MGAM: variants seen among roughly 807,000 people sequenced by gnomAD.
The protein encoded by MGAM is maltase-glucoamylase, also known as alpha-1,4-glucosidase.
A neutral mutation model predicts 358.8 loss-of-function variants in MGAM; 253 were observed. That is an observed-to-expected ratio of 0.71 (90% CI 0.64 to 0.78). The LOEUF is 0.78. Ranked by LOEUF, MGAM falls within the 30% of genes least tolerant of loss-of-function variation. The probability of loss-of-function intolerance (pLI) is 0.00; values close to 1 mark genes in which losing one functional copy is unlikely to be tolerated. For synonymous variants in MGAM, 1,105 were observed against 1,227.1 expected, an observed-to-expected ratio of 0.90 and a Z score of 2.08; for missense variants, 3,080 against 3,432.6, an observed-to-expected ratio of 0.90 and a Z score of 2.57.
At chr7:142,055,921 G>A (rs774948052) in intron 28 of MGAM, 79 bp from the exon 29 acceptor site, 28 of 1,485,150 alleles carry the variant, frequency 1.9e-5, no homozygotes, top group Non-Finnish European at 2.4e-5. Context: ...AGCCATGTTA[G>A]CAAGCACATT....
chr7:142,061,965 T>G (rs550101421), intron 34 of MGAM, among the ~76,000 whole-genome samples: 1 of 152,314 alleles, frequency 6.6e-6, no homozygotes, highest in African/African-American at 2.4e-5. Flanking sequence ...GTAAAAACAC[T>G]GCTTTTATTA....
At chr7:142,010,573 T>G (rs1302730593) in intron 3 of MGAM, among the ~76,000 whole-genome samples, 1 of 152,148 alleles carries the variant, frequency 6.6e-6, no homozygotes, top group African/African-American at 2.4e-5. Flanking sequence ...CATTTCCTCA[T>G]GCTTGGGTTG....
At position 142,083,200 on chromosome 7, in the gene MGAM, T is replaced by C; in HGVS notation, c.6269-101T>C. On this transcript the variant is annotated intron_variant, in intron 52 of 70. Coordinates refer to ENST00000475668, the MANE Select transcript of MGAM (RefSeq NM_001365693.1). ...TAGAAAATACTGGCTCTTACTACTC[T>C]ACGATAGGGAGGGTGCAGGAAATAG... The C allele has an allele frequency of 2.2e-6, 2 of 924,886 alleles. 1 individual carries two copies. The highest frequency in any genetic ancestry group is 3.3e-6 in the Non-Finnish European group (2 of 611,720). 57.3% of individuals were successfully genotyped at this position (924,886 alleles called of 1,614,324 possible). A position where few individuals can be genotyped will look rare whatever the true frequency, so the allele number is the denominator to read the frequency against.
At chr7:142,076,598 C>T in intron 46 of MGAM, 61 bp from the exon 47 acceptor site, 1 of 1,340,830 alleles carries the variant, frequency 7.5e-7, no homozygotes. Context: ...ATATGAGTGA[C>T]TTGAGAATCT....
intron 67 of MGAM, among the ~76,000 whole-genome samples, chr7:142,100,339 TGA>T (rs1222222992): frequency 6.6e-6 from 1 of 152,210 alleles, no homozygotes; most frequent in African/African-American, 2.4e-5. Context: ...ACTAAGTACA[TGA>T]ATGCGGACTA....
intron 2 of MGAM, among the ~76,000 whole-genome samples, chr7:141,987,065 C>T (rs1460866317): frequency 6.6e-6 from 1 of 152,084 alleles, no homozygotes; most frequent in Non-Finnish European, 1.5e-5. Context: ...GAAACACGAG[C>T]CTGTCATAGC....
In MGAM at chr7:142,094,784, A is replaced by G. The variant is rs1815742031; in HGVS notation, c.7379A>G (p.Glu2460Gly). 10 of 1,613,622 alleles carry G rather than the reference A, an allele frequency of 6.2e-6. No homozygotes were observed. The highest frequency in any genetic ancestry group is 8.5e-6 in the Non-Finnish European group (10 of 1,179,882). The change falls in exon 63 of 71, where the codon GAA (glutamate) becomes GGA (glycine). Residue 2460 changes from glutamate to glycine, a missense_variant. Physicochemically the swap from Glu to Gly is moderately conservative, Grantham distance 98. Coordinates refer to ENST00000475668, the MANE Select transcript of MGAM (RefSeq NM_001365693.1). ...ADICGFFQDA[E>G]YEMCVRWMQL... ...ATCTGTGGGTTCTTTCAAGATGCTG[A>G]ATATGAGATGTGTGTTCGCTGGATG...
At chr7:142,041,958 AAT>A (rs538366756) in intron 21 of MGAM, among the ~76,000 whole-genome samples, 1,025 of 19,858 alleles carry the variant, frequency 0.052, 58 homozygotes, top group East Asian at 0.23. Flanking sequence ...ACATATATAT[AAT>A]ATATATATAT....
chr7:142,093,540 C>T lies in MGAM; in HGVS notation c.7162C>T (p.Pro2388Ser), dbSNP rs1463243384. Residue 2388 changes from proline (P) to serine (S), a missense_variant, in exon 60 of 71, where the codon CCC (proline) becomes TCC (serine). Physicochemically the swap from Pro to Ser is moderately conservative, Grantham distance 74 (BLOSUM62 -1). Around this residue, in one of 5 missense-constraint regions of MGAM, gnomAD observed 932 missense variants for 1,198.2 expected, o/e 0.78. Transcript: ENST00000475668. ...HNLYGWSQTRPTYEAVQEVTG... is the reference protein window; with the variant it reads ...HNLYGWSQTRSTYEAVQEVTG... ...CCTGTACGGGTGGTCCCAGACCAGA[C>T]CCACATACGAGTGAGTCTCTGTCTC... 3 of 1,500,426 alleles carry T rather than the reference C, an allele frequency of 2.0e-6. No homozygotes were observed. The African/African-American group carries it at 4.1e-5, about 21-fold the overall frequency. The allele number at this position is 1,500,426 out of a possible 1,614,324, so 92.9% of individuals were successfully genotyped here.
chr7:142,058,417 A>G, intron 31 of MGAM, 89 bp downstream of exon 31: 1 of 1,570,240 alleles, frequency 6.4e-7, no homozygotes, highest in Non-Finnish European at 8.6e-7. Flanking sequence ...GTTGGATTCC[A>G]TAAAGACATA....
Position 142,093,054 on chromosome 7 carries a change from C to G in MGAM, c.7034-358C>G, listed in dbSNP as rs577570952. Among the ~76,000 whole-genome samples the G allele has an allele frequency of 2.7e-5, 4 of 146,122 alleles. 1 individual carries two copies. Among genetic ancestry groups the G allele is most frequent in the Non-Finnish European group, 4.6e-5 (3 of 64,642 alleles). On this transcript the variant is annotated intron_variant, in intron 59 of 70. Coordinates refer to ENST00000475668, the MANE Select transcript of MGAM (RefSeq NM_001365693.1). Reference sequence around the variant, plus strand: ...GTTTTGTGACTTTTCACAGATTATGCGATATGTCCAAATCTCAGTCTGCTA... The same window carrying G: ...GTTTTGTGACTTTTCACAGATTATGGGATATGTCCAAATCTCAGTCTGCTA...
At chr7:142,091,670 C>T (rs1815397858) in intron 57 of MGAM, among the ~76,000 whole-genome samples, 1 of 146,268 alleles carries the variant, frequency 6.8e-6, no homozygotes, top group African/African-American at 2.4e-5. Context: ...TTGTCATCAT[C>T]CATGTATATA....
At chr7:142,036,058 C>T in intron 16 of MGAM, 111 bp from the exon 17 acceptor site, 3 of 769,826 alleles carry the variant, frequency 3.9e-6, no homozygotes, top group Non-Finnish European at 6.4e-6. Flanking sequence ...ACCCTCCTAG[C>T]CTTCTCGGTA....
chr7:142,005,834 G>C (rs943599724), intron 2 of MGAM, among the ~76,000 whole-genome samples, 177 bp downstream of exon 2: 1 of 151,918 alleles, frequency 6.6e-6, no homozygotes, highest in Non-Finnish European at 1.5e-5. Flanking sequence ...GTAGGTTTAA[G>C]TTCTGATACT....
At chr7:142,078,209 G>A in intron 47 of MGAM, 109 bp from the exon 48 acceptor site, 1 of 911,064 alleles carries the variant, frequency 1.1e-6, no homozygotes, top group African/African-American at 1.6e-5. Flanking sequence ...TTGAAAGTCT[G>A]GACTGATGTC....
intron 42 of MGAM, among the ~76,000 whole-genome samples, chr7:142,067,963 T>TAA (rs1433374652): frequency 2.9e-5 from 1 of 34,416 alleles, no homozygotes; most frequent in African/African-American, 8.9e-5. Flanking sequence ...TATATATATA[T>TAA]AAATATATAT....
chr7:141,994,136 A>G (rs782501491), upstream of MGAM, among the ~76,000 whole-genome samples: 1 of 152,170 alleles, frequency 6.6e-6, no homozygotes, highest in African/African-American at 2.4e-5. Flanking sequence ...TCAGCCTCCC[A>G]AAGTGCTGGG....
Position 142,072,298 on chromosome 7 carries a change from C to T in MGAM, c.5186+1180C>T. On this transcript the variant is annotated intron_variant, in intron 44 of 70. Coordinates refer to ENST00000475668, the MANE Select transcript of MGAM (RefSeq NM_001365693.1). ...AAACTGGCGATTTCCCAAACATACC[C>T]ATGTATTTTACTGCATGTGGGCTTT... Among the ~76,000 whole-genome samples the T allele has an allele frequency of 1.4e-5, 2 of 146,008 alleles. 1 individual carries two copies. The highest frequency in any genetic ancestry group is 3.1e-5 in the Non-Finnish European group (2 of 64,508).
Position 142,071,057 on chromosome 7 carries a change from C to G in MGAM, c.5125C>G (p.Leu1709Val). The change falls in exon 44 of 71, where the codon CTT (leucine) becomes GTT (valine). Residue 1709 changes from leucine (L) to valine (V), a missense_variant. Physicochemically the swap from Leu to Val is conservative, Grantham distance 32 (BLOSUM62 1). This residue lies in a region of MGAM where 932 missense variants were observed against 1,198.2 expected (regional missense o/e 0.78). Coordinates refer to ENST00000475668, the MANE Select transcript of MGAM (RefSeq NM_001365693.1). ...GCCAGCCCCTCTTGACCACATTAAT[C>G]TTCATGTCCGTGGGGGCTACATCCT... The part of the protein sequence containing the change: ...TLPAPLDHIN[L>V]HVRGGYILPW... 1 of 1,556,418 alleles carries G rather than the reference C, an allele frequency of 6.4e-7. No individual in the cohort carries two copies. Among genetic ancestry groups the G allele is most frequent in the African/African-American group, 1.3e-5 (1 of 74,650 alleles).
Sources: gnomAD v4.1 joint callset for allele counts (sites outside exome capture counted in the v4.1 genomes callset) on GRCh38, gnomAD v4.1.1 for gene constraint, gnomAD v4.1.1 regional missense constraint, MANE v1.5 for transcripts, NCBI Gene and HGNC (gene_info 2026-07-23, HGNC 2026-07-21) for gene names.